NSUN6: variants seen among roughly 807,000 people sequenced by gnomAD.
NSUN6 encodes the protein NOP2/Sun RNA methyltransferase 6.
In NSUN6, 64 loss-of-function variants were observed where a neutral mutation model predicts 58.0. The ratio of observed to expected loss-of-function variants is 1.10; its 90% CI spans 0.90 to 1.36. NSUN6 has a LOEUF of 1.36. Ranked by LOEUF, NSUN6 falls within the 40% of genes most tolerant of loss-of-function variation. The probability of loss-of-function intolerance (pLI) is 0.00; values close to 1 mark genes in which losing one functional copy is unlikely to be tolerated. For synonymous variants in NSUN6, 231 were observed against 193.9 expected, an observed-to-expected ratio of 1.19 and a Z score of -1.59; for missense variants, 701 against 550.1, an observed-to-expected ratio of 1.27 and a Z score of -2.74.
intron 2 of NSUN6, among the ~76,000 whole-genome samples, chr10:18,646,587 G>A (rs1304472971): frequency 6.6e-6 from 1 of 152,200 alleles, no homozygotes; most frequent in African/African-American, 2.4e-5. Flanking sequence ...CCTCACGCCT[G>A]TAATCCCAGC....
rs11015205 is a variant in NSUN6 at position 18,626,718 on chromosome 10, G to A, written c.312-10425C>T. On this transcript the variant is annotated intron_variant, in intron 3 of 10. Transcript: ENST00000377304. ...GGAGGTGGAGGTTGCAGTGAGCCGAGATCGTGCCATTGCACTCTAGCTTGG... is the reference window on the plus strand; with the variant it reads ...GGAGGTGGAGGTTGCAGTGAGCCGAAATCGTGCCATTGCACTCTAGCTTGG... Among the ~76,000 whole-genome samples, 108 of 152,318 alleles carry A rather than the reference G, an allele frequency of 7.1e-4. 3 individuals are homozygous for A. In the East Asian group the frequency reaches 0.019, roughly 27 times the overall value.
chr10:18,631,484 T>A (rs2059028795), intron 3 of NSUN6, among the ~76,000 whole-genome samples: 1 of 130,808 alleles, frequency 7.6e-6, no homozygotes, highest in Admixed American at 8.3e-5. Context: ...GCAGATGACA[T>A]GATTGTATAT....
chr10:18,654,289 T>C (rs2059754869), upstream of NSUN6, among the ~76,000 whole-genome samples: 1 of 152,174 alleles, frequency 6.6e-6, no homozygotes, highest in Non-Finnish European at 1.5e-5. Flanking sequence ...TATCTAGTCC[T>C]CCCTTTTTCT....
chr10:18,573,739 T>C (rs909261074), intron 8 of NSUN6, among the ~76,000 whole-genome samples: 4 of 152,138 alleles, frequency 2.6e-5, no homozygotes, highest in African/African-American at 7.2e-5. Context: ...AGCTTCAGTA[T>C]GTAAAGCCCA....
chr10:18,556,754 G>C (rs2055055996), intron 8 of NSUN6, among the ~76,000 whole-genome samples: 1 of 151,168 alleles, frequency 6.6e-6, no homozygotes, highest in South Asian at 2.1e-4. Flanking sequence ...GAAGGATTTG[G>C]TATGGAATGA....
chr10:18,594,194 T>C (rs1314635448), intron 7 of NSUN6, among the ~76,000 whole-genome samples: 7 of 128,914 alleles, frequency 5.4e-5, no homozygotes, highest in Admixed American at 1.6e-4. Flanking sequence ...AGAGCAAGAC[T>C]CTGAGAAAAA....
chr10:18,621,911 C>T (rs1182071510), intron 3 of NSUN6, among the ~76,000 whole-genome samples: 1 of 152,160 alleles, frequency 6.6e-6, no homozygotes, highest in Non-Finnish European at 1.5e-5. Flanking sequence ...GATATTGCTG[C>T]ATGCCAAATA....
At chr10:18,636,687 T>C (rs2059225894) in intron 3 of NSUN6, among the ~76,000 whole-genome samples, 1 of 151,510 alleles carries the variant, frequency 6.6e-6, no homozygotes, top group Non-Finnish European at 1.5e-5. Flanking sequence ...AGGTCAGGAG[T>C]TCGAGACCAG....
In NSUN6 at chr10:18,647,725, G is replaced by GTTT. The variant is rs571301351; in HGVS notation, c.231+762_231+764dup. Reference sequence around the variant, plus strand: ...TAAAACATAAGGCGCTCAACACCTTGTTTTTTTTTTTTTTTTTTTTTTTTT... The same window carrying GTTT: ...TAAAACATAAGGCGCTCAACACCTTGTTTTTTTTTTTTTTTTTTTTTTTTTTTT... On this transcript the variant is annotated intron_variant, in intron 2 of 10. Coordinates refer to ENST00000377304, the MANE Select transcript of NSUN6 (RefSeq NM_182543.5). 1.2e-3 allele frequency among the ~76,000 whole-genome samples: 118 copies of GTTT among 100,090 alleles called. 15 individuals carry two copies. Among genetic ancestry groups the GTTT allele is most frequent in the African/African-American group, 3.8e-3 (94 of 24,752 alleles). 65.7% of individuals were successfully genotyped at this position (100,090 alleles called of 152,430 possible). A position where few individuals can be genotyped will look rare whatever the true frequency, so the allele number is the denominator to read the frequency against.
At chr10:18,641,102 T>G (rs1256116133) in intron 3 of NSUN6, among the ~76,000 whole-genome samples, 1 of 152,090 alleles carries the variant, frequency 6.6e-6, no homozygotes. Flanking sequence ...ATCATAAACA[T>G]CTTCTCTGAT....
At chr10:18,579,159 T>A (rs1291838930) in intron 8 of NSUN6, among the ~76,000 whole-genome samples, 1 of 152,154 alleles carries the variant, frequency 6.6e-6, no homozygotes, top group African/African-American at 2.4e-5. Context: ...AGAATACTCA[T>A]ATTTTAACTT....
intron 6 of NSUN6, among the ~76,000 whole-genome samples, chr10:18,603,090 C>T (rs995813397): frequency 2.0e-5 from 3 of 152,002 alleles, no homozygotes; most frequent in Non-Finnish European, 4.4e-5. Flanking sequence ...GCCAGGAGTT[C>T]GAGACCAGCC....
At chr10:18,554,828 T>C (rs971625352) in intron 8 of NSUN6, among the ~76,000 whole-genome samples, 1 of 147,412 alleles carries the variant, frequency 6.8e-6, no homozygotes, top group Non-Finnish European at 1.5e-5. Context: ...TGGTATGGAA[T>C]GGAAAACGGC....
chr10:18,651,156 A>T lies in NSUN6; in HGVS notation c.48T>A (p.Tyr16Ter), dbSNP rs780976459. 2 of 1,582,210 alleles carry T rather than the reference A, an allele frequency of 1.3e-6. No homozygotes were observed. Among genetic ancestry groups the T allele is most frequent in the South Asian group, 2.4e-5 (2 of 85,052 alleles). ...CCTTATTCATAAAGCCTTCCTTAAG[A>T]TAGTTTTCAACCTCAGGTCTCAAAG... ...KISLRPEVEN[Y>*]LKEGFMNKEI... Residue 16 changes from tyrosine to a stop codon, truncating the protein, a stop_gained, in exon 1 of 11, where the codon TAT (tyrosine) becomes TAA (stop). Transcript: ENST00000377304. LOFTEE classifies it high-confidence loss of function.
Position 18,651,256 on chromosome 10 carries a change from G to GTTT in NSUN6, c.-56_-54dup, listed in dbSNP as rs140572895. 234 of 1,358,580 alleles carry GTTT rather than the reference G, an allele frequency of 1.7e-4. No homozygotes were observed. Among genetic ancestry groups the GTTT allele is most frequent in the East Asian group, 6.5e-4 (23 of 35,408 alleles). The allele number at this position is 1,358,580 out of a possible 1,614,324, so 84.2% of individuals were successfully genotyped here. A position where few individuals can be genotyped will look rare whatever the true frequency, so the allele number is the denominator to read the frequency against. On this transcript the variant is annotated 5_prime_UTR_variant, in exon 1 of 11. Coordinates refer to ENST00000377304, the MANE Select transcript of NSUN6 (RefSeq NM_182543.5). ...GAGAAATGCTGGAAAACGGTGTTTT[G>GTTT]TTTTTTTTTTTCTTTCCGAATTAAT...
chr10:18,614,531 T>C lies in NSUN6; in HGVS notation c.504A>G (p.Thr168=). The C allele has an allele frequency of 1.3e-6, 2 of 1,550,468 alleles. No individual in the cohort carries two copies. The highest frequency in any genetic ancestry group is 2.4e-5 in the East Asian group (1 of 41,226). ...CKKGAKEFDG[T]KVFLGNGISE... ...AAATCCCATTTCCAAGAAATACTTT[T>C]GTTCCATCAAATTCTTTGGCTCCTT... The change falls in exon 5 of 11, where the codon ACA becomes ACG. Residue 168 remains threonine (T), a synonymous_variant. Transcript: ENST00000377304.
intron 8 of NSUN6, among the ~76,000 whole-genome samples, chr10:18,556,214 G>A (rs1211478912): frequency 6.6e-6 from 1 of 151,040 alleles, no homozygotes; most frequent in African/African-American, 2.4e-5. Flanking sequence ...GAATGGAATA[G>A]AATGCAATGG....
intron 9 of NSUN6, among the ~76,000 whole-genome samples, chr10:18,551,351 T>A (rs2054594609): frequency 6.7e-6 from 1 of 149,638 alleles, no homozygotes; most frequent in Non-Finnish European, 1.5e-5. Flanking sequence ...ATAATGACAT[T>A]CAGTACAGTC....
chr10:18,647,717 A>C (rs57066269), intron 2 of NSUN6, among the ~76,000 whole-genome samples: 48,349 of 142,748 alleles, frequency 0.34, 9,144 homozygotes, highest in East Asian at 0.73. Context: ...TAAGGCGCTC[A>C]ACACCTTGTT....
Sources: allele counts gnomAD v4.1 joint callset (sites outside exome capture counted in the v4.1 genomes callset), GRCh38; gene constraint gnomAD v4.1.1; transcripts MANE v1.5; gene names NCBI Gene and HGNC (gene_info 2026-07-23, HGNC 2026-07-21).